SRPRB: variants seen among roughly 807,000 people sequenced by gnomAD.
The protein encoded by SRPRB is signal recognition particle receptor subunit beta.
SRPRB carries 20 observed loss-of-function variants against 31.9 expected under a neutral mutation model. That is an observed-to-expected ratio of 0.63 (90% confidence interval 0.44 to 0.91). The LOEUF (loss-of-function observed/expected upper bound fraction) is 0.91, where lower values mean the gene tolerates loss of function less well. Ranked by LOEUF, SRPRB falls within the 40% of genes least tolerant of loss-of-function variation. The pLI is 0.00. For missense variants in SRPRB, 321 were observed against 324.9 expected (o/e 0.99, Z 0.09); for synonymous variants, 146 against 132.8 (o/e 1.10, Z -0.68).
downstream of SRPRB, chr3:133,828,131 G>A: frequency 6.4e-6 from 4 of 620,866 alleles, no homozygotes; most frequent in Middle Eastern, 3.8e-4. Context: ...CTGCCGGGCT[G>A]CCTAGAGCCC....
intron 3 of SRPRB, 37 bp downstream of exon 3, chr3:133,807,860 T>TA (rs1935191431): frequency 6.6e-7 from 1 of 1,512,688 alleles, no homozygotes; most frequent in Non-Finnish European, 9.1e-7. Flanking sequence ...CTGACAGTCT[T>TA]ACTTTACTGT....
chr3:133,815,375 T>C (rs940787691), intron 4 of SRPRB, among the ~76,000 whole-genome samples: 3 of 152,196 alleles, frequency 2.0e-5, no homozygotes, highest in Non-Finnish European at 4.4e-5. Flanking sequence ...TCTTACTGTC[T>C]TTTTTCAGCT....
At chr3:133,790,640 G>T (rs532252374) in intron 1 of SRPRB, 7 of 152,346 alleles carry the variant, frequency 4.6e-5, no homozygotes, top group African/African-American at 1.7e-4. Context: ...GCATTGTAAA[G>T]AAATGCATCG....
intron 4 of SRPRB, among the ~76,000 whole-genome samples, chr3:133,811,728 A>G (rs2107971573): frequency 6.6e-6 from 1 of 151,812 alleles, no homozygotes; most frequent in South Asian, 2.1e-4. Context: ...GATTACAGGC[A>G]CGCACCACCA....
intron 4 of SRPRB, among the ~76,000 whole-genome samples, chr3:133,811,862 G>A (rs1206038690): frequency 6.6e-6 from 1 of 152,158 alleles, no homozygotes; most frequent in Non-Finnish European, 1.5e-5. Flanking sequence ...AATTACAGGC[G>A]TGAGCCACTG....
intron 3 of SRPRB, among the ~76,000 whole-genome samples, chr3:133,810,014 C>T (rs1470334885): frequency 6.6e-6 from 1 of 152,010 alleles, no homozygotes; most frequent in Non-Finnish European, 1.5e-5. Context: ...TTCTCCTACC[C>T]CCTTACGTTT....
downstream of SRPRB, chr3:133,828,097 T>A: frequency 1.5e-6 from 1 of 655,158 alleles, no homozygotes; most frequent in Non-Finnish European, 2.8e-6. Context: ...GAAGGAGAGG[T>A]GGGAGCAGTT....
downstream of SRPRB, chr3:133,827,894 T>G: frequency 1.4e-6 from 1 of 702,882 alleles, no homozygotes; most frequent in Non-Finnish European, 2.6e-6. Context: ...GTGTACTGAC[T>G]GCTGGGTGGG....
chr3:133,787,005 T>C (rs970628825), intron 1 of SRPRB: 1 of 152,240 alleles, frequency 6.6e-6, no homozygotes, highest in African/African-American at 2.4e-5. Flanking sequence ...CTGTCTATAC[T>C]TGTTCAATGG....
In SRPRB at chr3:133,820,219, G is replaced by T. The variant is rs368796419; in HGVS notation, c.*453G>T. 9.5e-5 allele frequency: 16 copies of T among 169,084 alleles called. No homozygotes were observed. In the East Asian group the frequency reaches 2.3e-3, roughly 24 times the overall value. 10.5% of individuals were successfully genotyped at this position (169,084 alleles called of 1,614,324 possible). The stretch of plus-strand genomic sequence containing the variant: ...CTCTGAAGTTCACAGGCAATACATT[G>T]TCTAGTCCTTTGCGAATTTCTCTGA... On this transcript the variant is annotated 3_prime_UTR_variant, in exon 7 of 7. Transcript: ENST00000678299.
upstream of SRPRB, among the ~76,000 whole-genome samples, chr3:133,803,448 G>A (rs1305025568): frequency 6.6e-6 from 1 of 152,054 alleles, no homozygotes; most frequent in Non-Finnish European, 1.5e-5. Flanking sequence ...TTTTATAATT[G>A]ATGATTTGGC....
At chr3:133,787,689 TTTGCTA>T (rs1934722366) in intron 1 of SRPRB, 1 of 152,214 alleles carries the variant, frequency 6.6e-6, no homozygotes, top group African/African-American at 2.4e-5. Flanking sequence ...CAAAAGATGT[TTTGCTA>T]TTGTGTACTA....
At chr3:133,818,701 A>G (rs556403308) in intron 6 of SRPRB, among the ~76,000 whole-genome samples, 2 of 152,288 alleles carry the variant, frequency 1.3e-5, no homozygotes, top group East Asian at 3.9e-4. Flanking sequence ...CCATGCCTAG[A>G]AGGCCCCTGT....
intron 1 of SRPRB, chr3:133,789,879 G>GTTTTTTTTTTTTTTTTT (rs56267966): frequency 3.4e-5 from 3 of 88,982 alleles, no homozygotes; most frequent in African/African-American, 1.1e-4. Context: ...TCTCGTTTGC[G>GTTTTTTTTTTTTTTTTT]TTTTTTTTTT....
chr3:133,806,417 A>G, intron 1 of SRPRB, 192 bp from the exon 2 acceptor site: 2 of 563,402 alleles, frequency 3.5e-6, no homozygotes, highest in Non-Finnish European at 6.3e-6. Context: ...CTGCAAAGAA[A>G]AGTTGACAGT....
chr3:133,803,531 G>A (rs905861603), upstream of SRPRB, among the ~76,000 whole-genome samples: 5 of 152,176 alleles, frequency 3.3e-5, no homozygotes, highest in African/African-American at 9.7e-5. Context: ...TTTTGAGGGT[G>A]TGCCTAAATC....
intron 3 of SRPRB, chr3:133,810,485 T>TA (rs1935239741): frequency 6.6e-6 from 1 of 152,202 alleles, no homozygotes. Flanking sequence ...GAATAGAACT[T>TA]ATTAGGGTGC....
At chr3:133,786,947 G>C (rs1051397181) in intron 1 of SRPRB, 1 of 152,214 alleles carries the variant, frequency 6.6e-6, no homozygotes, top group African/African-American at 2.4e-5. Context: ...GGGAAGTACT[G>C]TCTTTTGGAA....
chr3:133,804,059 G>A (rs1199396757), upstream of SRPRB, among the ~76,000 whole-genome samples: 2 of 123,860 alleles, frequency 1.6e-5, no homozygotes, highest in Non-Finnish European at 1.6e-5. Flanking sequence ...TCGCACCACT[G>A]CACTCCAGCC....
Sources: gnomAD v4.1 joint callset for allele counts (sites outside exome capture counted in the v4.1 genomes callset) on GRCh38, gnomAD v4.1.1 for gene constraint, MANE v1.5 for transcripts, NCBI Gene and HGNC (gene_info 2026-07-23, HGNC 2026-07-21) for gene names.